PHLPP2: variants seen among roughly 807,000 people sequenced by gnomAD.
The protein encoded by PHLPP2 is PH domain and leucine rich repeat protein phosphatase 2.
A neutral mutation model predicts 124.9 loss-of-function variants in PHLPP2; 66 were observed. The ratio of observed to expected loss-of-function variants is 0.53; its 90% confidence interval spans 0.43 to 0.65. The LOEUF (loss-of-function observed/expected upper bound fraction) is 0.65, where lower values mean the gene tolerates loss of function less well. Among genes scored for constraint, PHLPP2 ranks in the 30% least tolerant of loss-of-function variants. The pLI is 0.00. For missense variants in PHLPP2, 1,685 were observed against 1,600.4 expected, an observed-to-expected ratio of 1.05 and a Z score of -0.90; for synonymous variants, 681 against 624.7, an observed-to-expected ratio of 1.09 and a Z score of -1.34.
intron 13 of PHLPP2, among the ~76,000 whole-genome samples, chr16:71,662,964 C>T (rs2044805109): frequency 6.6e-6 from 1 of 152,110 alleles, no homozygotes. Flanking sequence ...AAACATCTTT[C>T]TTATGTCTTC....
At chr16:71,683,281 G>C (rs1251989026) in intron 5 of PHLPP2, among the ~76,000 whole-genome samples, 1 of 152,142 alleles carries the variant, frequency 6.6e-6, no homozygotes, top group African/African-American at 2.4e-5. Flanking sequence ...AGAGAATTTG[G>C]AAATCACAAT....
At chr16:71,669,062 A>G (rs188111830) in intron 11 of PHLPP2, among the ~76,000 whole-genome samples, 3 of 152,292 alleles carry the variant, frequency 2.0e-5, no homozygotes, top group African/African-American at 4.8e-5. Flanking sequence ...AGTTATCCAC[A>G]TATGTTACAC....
chr16:71,722,157 C>T (rs1184874858), intron 1 of PHLPP2, among the ~76,000 whole-genome samples: 4 of 152,046 alleles, frequency 2.6e-5, no homozygotes, highest in Non-Finnish European at 5.9e-5. Context: ...TGAGGCCGGG[C>T]GTGGTGGCTC....
At position 71,648,768 on chromosome 16, in the gene PHLPP2, C is replaced by T. The variant is rs1368355946; in HGVS notation, c.*122G>A. The T allele has an allele frequency of 2.6e-6, 2 of 768,732 alleles. No homozygotes were observed. Among genetic ancestry groups the T allele is most frequent in the African/African-American group, 3.5e-5 (2 of 57,428 alleles). 47.6% of individuals were successfully genotyped at this position (768,732 alleles called of 1,614,324 possible). ...CCTGAGCGACTGAGCAAGACTCCGT[C>T]TCAAAACAAACAAACAAAAAAAAAA... is the stretch of plus-strand genomic sequence containing the variant. On this transcript the variant is annotated 3_prime_UTR_variant, in exon 19 of 19. Coordinates refer to ENST00000568954, the MANE Select transcript of PHLPP2 (RefSeq NM_015020.3).
rs907523411 is a variant in PHLPP2 at position 71,684,722 on chromosome 16, C to T, written c.610-121G>A. ...AAAATAGTTATTTTTTATTTTTTCTCTCTCCCTCCTTGTCCCCCTCCATCT... is the reference window on the plus strand; with the variant it reads ...AAAATAGTTATTTTTTATTTTTTCTTTCTCCCTCCTTGTCCCCCTCCATCT... On this transcript the variant is annotated intron_variant, in intron 4 of 18. Coordinates refer to ENST00000568954, the MANE Select transcript of PHLPP2 (RefSeq NM_015020.3). 3.2e-6 allele frequency: 3 copies of T among 928,794 alleles called. No individual in the cohort carries two copies. In the African/African-American group the frequency reaches 5.0e-5, roughly 16 times the overall value. 57.5% of individuals were successfully genotyped at this position (928,794 alleles called of 1,614,324 possible).
chr16:71,648,982 G>T lies in PHLPP2; in HGVS notation c.3880C>A (p.Gln1294Lys). ...CGGCTGTCCTGGTGCTGTTTCATTT[G>T]TTCCTTCACTTCTTCTTCCAGGTCA... The part of the protein sequence containing the change: ...PHDLEEEVKE[Q>K]MKQHQDSRLE... The change falls in exon 19 of 19, where the codon CAA becomes AAA. Residue 1294 changes from glutamine to lysine, a missense_variant. Transcript: ENST00000568954. The T allele has an allele frequency of 6.2e-7, 1 of 1,614,062 alleles. No homozygotes were observed. The highest frequency in any genetic ancestry group is 1.3e-5 in the African/African-American group (1 of 75,022).
At chr16:71,692,172 C>T (rs2045121449) in intron 3 of PHLPP2, among the ~76,000 whole-genome samples, 1 of 151,988 alleles carries the variant, frequency 6.6e-6, no homozygotes, top group African/African-American at 2.4e-5. Flanking sequence ...CAGCTTCATG[C>T]CATTCTCCTG....
chr16:71,723,627 C>T, intron 1 of PHLPP2: 2 of 353,168 alleles, frequency 5.7e-6, no homozygotes, highest in Non-Finnish European at 9.5e-6. Flanking sequence ...GGCCGACTGA[C>T]TGACGCCGGG....
intron 3 of PHLPP2, among the ~76,000 whole-genome samples, chr16:71,700,114 C>T (rs1326595984): frequency 1.3e-5 from 2 of 152,092 alleles, no homozygotes; most frequent in South Asian, 2.1e-4. Flanking sequence ...ATTATAGATC[C>T]GGCTGCTCAC....
intron 8 of PHLPP2, chr16:71,678,312 A>G (rs999147316): frequency 1.9e-5 from 3 of 160,714 alleles, no homozygotes; most frequent in African/African-American, 7.2e-5. Context: ...AAGTCTTACT[A>G]TACCTTTGAA....
At chr16:71,723,379 T>C (rs2045410599) in intron 1 of PHLPP2, 1 of 152,286 alleles carries the variant, frequency 6.6e-6, no homozygotes, top group African/African-American at 2.4e-5. Flanking sequence ...CCCGCTCCTG[T>C]GCCAGGAACC....
At chr16:71,702,529 C>T (rs1049715598) in intron 3 of PHLPP2, 69 bp downstream of exon 3, 37 of 1,288,036 alleles carry the variant, frequency 2.9e-5, no homozygotes, top group Admixed American at 1.2e-4. Context: ...AAAAAGCTGA[C>T]GGCAGATAAG....
chr16:71,670,214 G>C (rs2044878872), intron 10 of PHLPP2, among the ~76,000 whole-genome samples: 1 of 152,188 alleles, frequency 6.6e-6, no homozygotes, highest in Non-Finnish European at 1.5e-5. Context: ...GGTGATGCTG[G>C]AGCACCCGGA....
intron 2 of PHLPP2, among the ~76,000 whole-genome samples, chr16:71,711,636 G>A (rs1275766131): frequency 6.6e-6 from 1 of 152,198 alleles, no homozygotes; most frequent in Non-Finnish European, 1.5e-5. Flanking sequence ...CAAGATGGTT[G>A]TGAGGATTAA....
At chr16:71,656,464 T>G in intron 16 of PHLPP2, 107 bp downstream of exon 16, 2 of 649,202 alleles carry the variant, frequency 3.1e-6, no homozygotes, top group Non-Finnish European at 5.6e-6. Flanking sequence ...ATGATTTGTC[T>G]GTGTACAACA....
chr16:71,661,286 G>C (rs2044787983), intron 13 of PHLPP2, among the ~76,000 whole-genome samples: 1 of 151,850 alleles, frequency 6.6e-6, no homozygotes, highest in South Asian at 2.1e-4. Context: ...GCCCAGGCTG[G>C]TCTTAAACTC....
At position 71,655,340 on chromosome 16, in the gene PHLPP2, G is replaced by A. The variant is rs763263523; in HGVS notation, c.2485C>T (p.Arg829Cys). 32 of 1,613,646 alleles carry A rather than the reference G, an allele frequency of 2.0e-5. No individual in the cohort carries two copies. Among genetic ancestry groups the A allele is most frequent in the Admixed American group, 5.0e-5 (3 of 59,996 alleles). Residue 829 changes from arginine to cysteine, a missense_variant, in exon 17 of 19, where the codon CGC becomes TGC. Coordinates refer to ENST00000568954, the MANE Select transcript of PHLPP2 (RefSeq NM_015020.3). ...TCTGCCATCGTACACTGCAGCAGGCGCGGGAGCTCCTCATTTCGGTCTCCA... is the reference window on the plus strand; with the variant it reads ...TCTGCCATCGTACACTGCAGCAGGCACGGGAGCTCCTCATTTCGGTCTCCA... ...FDGDRNEELP[R>C]LLQCTMADVL...
At chr16:71,662,682 T>C (rs917315256) in intron 13 of PHLPP2, among the ~76,000 whole-genome samples, 2 of 152,212 alleles carry the variant, frequency 1.3e-5, no homozygotes, top group African/African-American at 4.8e-5. Context: ...TTGAAAATAT[T>C]ATTTTTAATG....
chr16:71,702,681 G>A lies in PHLPP2; in HGVS notation c.335C>T (p.Ser112Phe), dbSNP rs745534097. The change falls in exon 3 of 19, where the codon TCC becomes TTC. Residue 112 changes from serine to phenylalanine, a missense_variant. Coordinates refer to ENST00000568954, the MANE Select transcript of PHLPP2 (RefSeq NM_015020.3). Reference sequence around the variant, plus strand: ...CACAGGATCATCAAATCCCAGCCTGGATAAGTAATCATAAACGATCTGAAG... The same window carrying A: ...CACAGGATCATCAAATCCCAGCCTGAATAAGTAATCATAAACGATCTGAAG... ...RPLQIVYDYL[S>F]RLGFDDPVRI... is the part of the protein sequence containing the mutation. 1.2e-6 allele frequency: 2 copies of A among 1,610,768 alleles called. No individual in the cohort carries two copies. Among genetic ancestry groups the A allele is most frequent in the South Asian group, 1.1e-5 (1 of 90,908 alleles).
Sources: allele counts gnomAD v4.1 joint callset (sites outside exome capture counted in the v4.1 genomes callset), GRCh38; gene constraint gnomAD v4.1.1; transcripts MANE v1.5; gene names NCBI Gene and HGNC (gene_info 2026-07-23, HGNC 2026-07-21).